The following ERBB4 variants were observed in gnomAD, a reference collection of about 807,000 sequenced individuals.
The protein encoded by ERBB4 is erb-b2 receptor tyrosine kinase 4.
A neutral mutation model predicts 158.0 loss-of-function variants in ERBB4; 42 were observed. The ratio of observed to expected loss-of-function variants is 0.27; its 90% confidence interval spans 0.21 to 0.34. ERBB4 has a LOEUF of 0.34. Among genes scored for constraint, ERBB4 ranks in the 10% least tolerant of loss-of-function variants. The pLI is 1.00. For missense variants in ERBB4, 1,333 were observed against 1,624.1 expected (o/e 0.82, Z 3.08); for synonymous variants, 583 against 558.7 (o/e 1.04, Z -0.61).
At chr2:212,098,218 T>G (rs1230777577) in intron 2 of ERBB4, among the ~76,000 whole-genome samples, 1 of 152,188 alleles carries the variant, frequency 6.6e-6, no homozygotes, top group African/African-American at 2.4e-5. Flanking sequence ...GTAACTAATT[T>G]ACATTACATT....
rs115909966 is a variant in ERBB4, at chr2:211,393,947, G to A, written c.3136-5955C>T. Reference sequence around the variant, plus strand: ...TTTCATGACAGCACTCTTGCTTATGGATTTATTGTTCCTAGTACAAGGCTT... The same window carrying A: ...TTTCATGACAGCACTCTTGCTTATGAATTTATTGTTCCTAGTACAAGGCTT... On this transcript the variant is annotated intron_variant, in intron 25 of 27. Transcript: ENST00000342788. Among the ~76,000 whole-genome samples, 560 of 152,118 alleles carry A rather than the reference G, an allele frequency of 3.7e-3. 6 individuals are homozygous for A. Among genetic ancestry groups the A allele is most frequent in the African/African-American group, 0.013 (540 of 41,524 alleles).
At chr2:212,070,492 T>C (rs1190543670) in intron 2 of ERBB4, among the ~76,000 whole-genome samples, 1 of 152,082 alleles carries the variant, frequency 6.6e-6, no homozygotes, top group Non-Finnish European at 1.5e-5. Context: ...ATAATACACA[T>C]ATAAATCAAT....
chr2:211,776,650 A>G (rs2075883730), intron 4 of ERBB4, among the ~76,000 whole-genome samples: 1 of 152,246 alleles, frequency 6.6e-6, no homozygotes, highest in Non-Finnish European at 1.5e-5. Context: ...GTAAGTGAAA[A>G]TTAAAATATG....
chr2:211,733,483 A>G (rs1287142241), intron 5 of ERBB4, among the ~76,000 whole-genome samples: 1 of 147,546 alleles, frequency 6.8e-6, no homozygotes, highest in African/African-American at 2.7e-5. Flanking sequence ...TTTAAAAATT[A>G]GAATTGAGGT....
intron 20 of ERBB4, among the ~76,000 whole-genome samples, chr2:211,541,040 C>G (rs796813231): frequency 1.3e-5 from 2 of 151,874 alleles, no homozygotes; most frequent in African/African-American, 4.8e-5. Flanking sequence ...TCAATTTGCT[C>G]TCTCCCTCTC....
intron 2 of ERBB4, chr2:212,124,454 T>C (rs1027194205): frequency 2.5e-6 from 1 of 394,146 alleles, no homozygotes; most frequent in Admixed American, 3.7e-5. Context: ...CTGACTCTCC[T>C]AGTTCACAGC....
rs140763507 is a variant in ERBB4, at chr2:212,023,520, T to TTA, written c.235-75905_235-75904insTA. On this transcript the variant is annotated intron_variant, in intron 2 of 27. Transcript: ENST00000342788. ...AAAGCGTTTATACAAGTTAATTTTTTAAAAAAAACAGATGAATAAGTCAAT... is the reference window on the plus strand; with the variant it reads ...AAAGCGTTTATACAAGTTAATTTTTTTAAAAAAAAACAGATGAATAAGTCAAT... 2.8e-4 allele frequency among the ~76,000 whole-genome samples: 42 copies of TTA among 151,310 alleles called. No individual in the cohort carries two copies. In the East Asian group the frequency reaches 4.3e-3, roughly 15 times the overall value.
intron 16 of ERBB4, among the ~76,000 whole-genome samples, chr2:211,635,286 C>T (rs1239745403): frequency 6.6e-6 from 1 of 152,150 alleles, no homozygotes; most frequent in Non-Finnish European, 1.5e-5. Flanking sequence ...ACTAATCTCA[C>T]AGGGATTCTG....
chr2:212,503,746 G>A (rs933826321), intron 1 of ERBB4, among the ~76,000 whole-genome samples: 18 of 152,142 alleles, frequency 1.2e-4, no homozygotes, highest in Admixed American at 4.6e-4. Context: ...AAAGCATTAC[G>A]TGACCTTTAG....
At chr2:211,621,452 A>G (rs2069598898) in intron 18 of ERBB4, among the ~76,000 whole-genome samples, 1 of 152,176 alleles carries the variant, frequency 6.6e-6, no homozygotes, top group African/African-American at 2.4e-5. Context: ...ATTAAAACTT[A>G]GAGTCAACCA....
intron 1 of ERBB4, among the ~76,000 whole-genome samples, chr2:212,381,970 T>C (rs1297927439): frequency 6.6e-6 from 1 of 151,106 alleles, no homozygotes; most frequent in Non-Finnish European, 1.5e-5. Context: ...CTGTAGATCC[T>C]CACTACTCAA....
intron 19 of ERBB4, among the ~76,000 whole-genome samples, chr2:211,607,295 T>C (rs1242133784): frequency 6.6e-6 from 1 of 152,210 alleles, no homozygotes; most frequent in East Asian, 1.9e-4. Context: ...GCAGCATTTT[T>C]GCTATTATTA....
intron 20 of ERBB4, among the ~76,000 whole-genome samples, chr2:211,523,443 C>T (rs907223232): frequency 2.6e-5 from 4 of 151,366 alleles, no homozygotes; most frequent in East Asian, 2.0e-4. Flanking sequence ...AAGAATGAAG[C>T]GGTGGACCCT....
chr2:211,459,094 A>G (rs186557481), intron 20 of ERBB4, among the ~76,000 whole-genome samples: 18 of 152,286 alleles, frequency 1.2e-4, no homozygotes, highest in South Asian at 4.1e-4. Context: ...ATATCTCCCC[A>G]ATACAATACT....
At chr2:211,900,466 A>G (rs2079205962) in intron 3 of ERBB4, among the ~76,000 whole-genome samples, 1 of 152,088 alleles carries the variant, frequency 6.6e-6, no homozygotes, top group East Asian at 1.9e-4. Context: ...TTGCTCTTTA[A>G]AAGTACAAAC....
At chr2:211,623,071 TGTA>T (rs2069696857) in intron 18 of ERBB4, among the ~76,000 whole-genome samples, 1 of 124,714 alleles carries the variant, frequency 8.0e-6, no homozygotes, top group Non-Finnish European at 1.6e-5. Flanking sequence ...TTTTGGGAAT[TGTA>T]GTAATGGATA....
chr2:212,027,383 A>G (rs964079832), intron 2 of ERBB4, among the ~76,000 whole-genome samples: 5 of 152,000 alleles, frequency 3.3e-5, no homozygotes, highest in Admixed American at 3.3e-4. Context: ...TTATTTTTTT[A>G]TTTCATAGAA....
chr2:212,532,904 T>C (rs538402789), intron 1 of ERBB4, among the ~76,000 whole-genome samples: 115 of 152,358 alleles, frequency 7.5e-4, no homozygotes, highest in Non-Finnish European at 1.3e-3. Flanking sequence ...CATCCACATA[T>C]TTCAACTCCA....
chr2:211,870,431 G>A (rs1222252634), intron 3 of ERBB4, among the ~76,000 whole-genome samples: 1 of 151,278 alleles, frequency 6.6e-6, no homozygotes, highest in Non-Finnish European at 1.5e-5. Context: ...ACTAAAATAA[G>A]ATTTCCATTG....
Sources: gnomAD v4.1 joint callset for allele counts (sites outside exome capture counted in the v4.1 genomes callset) on GRCh38, gnomAD v4.1.1 for gene constraint, MANE v1.5 for transcripts, NCBI Gene and HGNC (gene_info 2026-07-23, HGNC 2026-07-21) for gene names.